The following CADM2 variants were observed in gnomAD, a reference collection of about 807,000 sequenced individuals.
The protein encoded by CADM2 is immunoglobulin superfamily member 4D.
Under a neutral mutation model 49.8 loss-of-function variants are expected in CADM2, and 12 were observed. That is an observed-to-expected ratio of 0.24 (90% CI 0.15 to 0.39). The LOEUF (loss-of-function observed/expected upper bound fraction) is 0.39, where lower values mean the gene tolerates loss of function less well. Among genes scored for constraint, CADM2 ranks in the 10% least tolerant of loss-of-function variants. CADM2 has a pLI of 1.00. For missense variants in CADM2, 378 were observed against 492.3 expected (o/e 0.77, Z 2.20); for synonymous variants, 214 against 175.4 (o/e 1.22, Z -1.74).
rs146420098 is a variant in CADM2 at position 85,680,909 on chromosome 3, T to C, written c.62-45613T>C. On this transcript the variant is annotated intron_variant, in intron 1 of 9. Transcript: ENST00000383699. ...ATAAAGTTCCTGATAGAGAACTGTG[T>C]AATCATTTCAGAGAATATTGGGGTT... Among the ~76,000 whole-genome samples, 57 of 152,274 alleles carry C rather than the reference T, an allele frequency of 3.7e-4. No individual in the cohort carries two copies. The East Asian group carries it at 9.3e-3, about 25-fold the overall frequency.
chr3:85,451,286 G>A (rs1576580162), intron 1 of CADM2, among the ~76,000 whole-genome samples: 1 of 152,042 alleles, frequency 6.6e-6, no homozygotes, highest in African/African-American at 2.4e-5. Context: ...TTTTAATTTG[G>A]CAGCATGTAG....
At chr3:85,322,688 A>G (rs11719276) in intron 1 of CADM2, among the ~76,000 whole-genome samples, 34,087 of 152,190 alleles carry the variant, frequency 0.22, 4,854 homozygotes, top group Non-Finnish European at 0.32. Flanking sequence ...ATTTTTAAAA[A>G]TTATTTTTCT....
intron 1 of CADM2, among the ~76,000 whole-genome samples, chr3:85,703,786 G>A (rs998644926): frequency 6.6e-6 from 1 of 152,084 alleles, no homozygotes; most frequent in Non-Finnish European, 1.5e-5. Context: ...GTTTTTGTTT[G>A]TTTTCCTAAA....
At chr3:85,888,820 C>T (rs1191043760) in intron 5 of CADM2, among the ~76,000 whole-genome samples, 1 of 152,142 alleles carries the variant, frequency 6.6e-6, no homozygotes, top group African/African-American at 2.4e-5. Context: ...ACTCTTCCAT[C>T]TTTTAGCAAA....
chr3:85,862,540 A>C (rs938330729), intron 3 of CADM2, among the ~76,000 whole-genome samples: 1 of 152,196 alleles, frequency 6.6e-6, no homozygotes, highest in Non-Finnish European at 1.5e-5. Context: ...AAACAACATA[A>C]ATTTATATTA....
chr3:85,278,784 A>T (rs2043423195), intron 1 of CADM2, among the ~76,000 whole-genome samples: 1 of 150,080 alleles, frequency 6.7e-6, no homozygotes, highest in Admixed American at 6.7e-5. Context: ...GGAAAATCAC[A>T]ATGTTTTAAA....
intron 1 of CADM2, among the ~76,000 whole-genome samples, chr3:85,286,131 A>G (rs980103710): frequency 2.6e-5 from 4 of 152,138 alleles, no homozygotes; most frequent in African/African-American, 9.6e-5. Flanking sequence ...ATCTTGGCAC[A>G]GCTGAATCTT....
chr3:85,449,512 A>G (rs1486464057), intron 1 of CADM2, among the ~76,000 whole-genome samples: 1 of 151,826 alleles, frequency 6.6e-6, no homozygotes, highest in African/African-American at 2.4e-5. Flanking sequence ...TCAAGACCCG[A>G]TTGCACAAGG....
chr3:85,272,272 T>C (rs1017397475), intron 1 of CADM2, among the ~76,000 whole-genome samples: 8 of 151,106 alleles, frequency 5.3e-5, no homozygotes, highest in Non-Finnish European at 7.4e-5. Context: ...TAAAGTGGAG[T>C]AAAAATATGT....
chr3:85,621,223 T>C (rs1328976374), intron 1 of CADM2, among the ~76,000 whole-genome samples: 1 of 152,110 alleles, frequency 6.6e-6, no homozygotes, highest in South Asian at 2.1e-4. Context: ...TGTCTTAACA[T>C]TAGGTATTAA....
At chr3:85,950,244 C>T (rs147746803) in intron 7 of CADM2, among the ~76,000 whole-genome samples, 208 of 151,182 alleles carry the variant, frequency 1.4e-3, no homozygotes, top group African/African-American at 4.8e-3. Context: ...AATTAATATT[C>T]TGTGTTTACC....
At chr3:85,478,579 T>A (rs1246537050) in intron 1 of CADM2, among the ~76,000 whole-genome samples, 1 of 150,206 alleles carries the variant, frequency 6.7e-6, no homozygotes. Flanking sequence ...AATGGGAACT[T>A]ATCCATTTCC....
chr3:86,030,166 T>C (rs1263173183), intron 8 of CADM2, among the ~76,000 whole-genome samples: 1 of 151,950 alleles, frequency 6.6e-6, no homozygotes, highest in Non-Finnish European at 1.5e-5. Context: ...ATTATACTAA[T>C]GGGAGATAAA....
At chr3:85,729,496 G>C (rs1489237245) in intron 2 of CADM2, among the ~76,000 whole-genome samples, 1 of 152,166 alleles carries the variant, frequency 6.6e-6, no homozygotes, top group Non-Finnish European at 1.5e-5. Context: ...GGGCTAGAGA[G>C]AGAGAGAGGG....
intron 1 of CADM2, among the ~76,000 whole-genome samples, chr3:85,368,106 A>T (rs1428692543): frequency 6.6e-6 from 1 of 152,022 alleles, no homozygotes; most frequent in Non-Finnish European, 1.5e-5. Flanking sequence ...CTTTCCAATA[A>T]TTTTTCCAGT....
chr3:85,932,408 A>G (rs1281715926), intron 6 of CADM2, among the ~76,000 whole-genome samples: 3 of 152,218 alleles, frequency 2.0e-5, no homozygotes, highest in Admixed American at 6.6e-5. Flanking sequence ...GCAGAACTGC[A>G]CTAGGATATA....
chr3:85,611,057 A>G (rs954169211), intron 1 of CADM2, among the ~76,000 whole-genome samples: 2 of 152,074 alleles, frequency 1.3e-5, no homozygotes, highest in Admixed American at 6.6e-5. Flanking sequence ...ATTTGTTGCC[A>G]TATGAAACTA....
At chr3:85,021,636 G>A (rs573620127) in intron 1 of CADM2, among the ~76,000 whole-genome samples, 9 of 152,094 alleles carry the variant, frequency 5.9e-5, no homozygotes, top group Admixed American at 3.3e-4. Flanking sequence ...TTAGCCAGGC[G>A]TGGTGGTGGG....
chr3:85,444,200 C>G (rs1039274295), intron 1 of CADM2, among the ~76,000 whole-genome samples: 1 of 152,232 alleles, frequency 6.6e-6, no homozygotes, highest in Non-Finnish European at 1.5e-5. Flanking sequence ...GAAAAAGCTG[C>G]GTTTTTGGCT....
Sources: allele counts gnomAD v4.1 joint callset (sites outside exome capture counted in the v4.1 genomes callset), GRCh38; gene constraint gnomAD v4.1.1; transcripts MANE v1.5; gene names NCBI Gene and HGNC (gene_info 2026-07-23, HGNC 2026-07-21).